Variants in PDLIM5 observed in about 807,000 individuals in gnomAD.
PDLIM5 encodes PDZ and LIM domain protein 5.
A neutral mutation model predicts 64.2 loss-of-function variants in PDLIM5; 34 were observed. That is an observed-to-expected ratio of 0.53 (90% CI 0.40 to 0.71). The LOEUF (loss-of-function observed/expected upper bound fraction) is 0.71. Among genes scored for constraint, PDLIM5 ranks in the 30% least tolerant of loss-of-function variants. The probability of loss-of-function intolerance (pLI) is 0.00; values close to 1 mark genes in which losing one functional copy is unlikely to be tolerated. For synonymous variants in PDLIM5, 253 were observed against 269.1 expected (o/e 0.94, Z 0.59); for missense variants, 683 against 733.6 (o/e 0.93, Z 0.80).
intron 9 of PDLIM5, among the ~76,000 whole-genome samples, chr4:94,650,109 G>T (rs1741725675): frequency 6.6e-6 from 1 of 152,198 alleles, no homozygotes; most frequent in Admixed American, 6.5e-5. Context: ...GACAAATACA[G>T]TGTTTCCAAA....
intron 3 of PDLIM5, among the ~76,000 whole-genome samples, chr4:94,551,845 C>T (rs750228149): frequency 1.4e-4 from 21 of 152,102 alleles, no homozygotes; most frequent in Middle Eastern, 6.8e-3. Flanking sequence ...TGTAGTTGAG[C>T]GTAAATTGTT....
chr4:94,584,380 T>A (rs1483269724), intron 5 of PDLIM5: 4 of 152,236 alleles, frequency 2.6e-5, no homozygotes, highest in South Asian at 4.1e-4. Context: ...ATTTATGCCC[T>A]TTTGAAATAA....
chr4:94,554,713 A>G (rs777658573), intron 3 of PDLIM5, among the ~76,000 whole-genome samples: 2 of 152,208 alleles, frequency 1.3e-5, no homozygotes, highest in Non-Finnish European at 2.9e-5. Flanking sequence ...AAGAGGTTTT[A>G]TCAATTGTTT....
intron 5 of PDLIM5, chr4:94,582,865 G>C: frequency 1.6e-6 from 1 of 639,580 alleles, no homozygotes; most frequent in Non-Finnish European, 2.8e-6. Flanking sequence ...AGGAGCATAA[G>C]AAGCATTTTT....
At chr4:94,662,717 T>C (rs868482569) in intron 12 of PDLIM5, among the ~76,000 whole-genome samples, 180 bp downstream of exon 12, 4 of 152,114 alleles carry the variant, frequency 2.6e-5, no homozygotes, top group Admixed American at 1.3e-4. Flanking sequence ...TTGAAATTAT[T>C]TGGCACACAG....
At chr4:94,568,158 C>T (rs1322195798) in intron 3 of PDLIM5, among the ~76,000 whole-genome samples, 1 of 152,184 alleles carries the variant, frequency 6.6e-6, no homozygotes, top group Non-Finnish European at 1.5e-5. Context: ...TTAACATGAT[C>T]TAAACTAGAG....
intron 2 of PDLIM5, chr4:94,456,679 G>A: frequency 1.7e-6 from 2 of 1,208,442 alleles, no homozygotes; most frequent in Non-Finnish European, 2.2e-6. Context: ...TACTGTTACA[G>A]TGGTACAGTG....
At chr4:94,544,191 CT>C (rs1372506143) in intron 3 of PDLIM5, among the ~76,000 whole-genome samples, 1 of 152,066 alleles carries the variant, frequency 6.6e-6, no homozygotes, top group Non-Finnish European at 1.5e-5. Flanking sequence ...TCTTTTGTTT[CT>C]TATAAGGACA....
At position 94,627,078 on chromosome 4, in the gene PDLIM5, A is replaced by G. The variant is rs1268837770; in HGVS notation, c.1108+8887A>G. 5.3e-5 allele frequency among the ~76,000 whole-genome samples: 8 copies of G among 152,294 alleles called. No homozygotes were observed. The East Asian group carries it at 5.8e-4, about 11-fold the overall frequency. ...TTTTTATATGAATAAGTAAACTGCT[A>G]CCAGTTGCGTATATTTCATCTCTTC... On this transcript the variant is annotated intron_variant, in intron 8 of 12. Transcript: ENST00000317968.
At position 94,640,375 on chromosome 4, in the gene PDLIM5, C is replaced by T. The variant is rs776387702; in HGVS notation, c.1208C>T (p.Thr403Ile). 3 of 1,613,316 alleles carry T rather than the reference C, an allele frequency of 1.9e-6. No individual in the cohort carries two copies. Among genetic ancestry groups the T allele is most frequent in the Non-Finnish European group, 2.5e-6 (3 of 1,179,390 alleles). The change falls in exon 9 of 13, where the codon ACT (threonine) becomes ATT (isoleucine). Residue 403 changes from threonine to isoleucine, a missense_variant. Coordinates refer to ENST00000317968, the MANE Select transcript of PDLIM5 (RefSeq NM_006457.5). The part of the protein sequence containing the change: ...LGQTQPSDQD[T>I]LVQRAEHIPA... ...CAAACCCAGCCAAGTGACCAGGACACTTTAGTGCAAAGAGCTGAGCACATT... is the reference window on the plus strand; with the variant it reads ...CAAACCCAGCCAAGTGACCAGGACATTTTAGTGCAAAGAGCTGAGCACATT...
chr4:94,585,790 G>A (rs992960174), intron 6 of PDLIM5, 53 bp downstream of exon 6: 34 of 1,430,802 alleles, frequency 2.4e-5, no homozygotes, highest in Admixed American at 1.2e-4. Context: ...GCCCCAGAGA[G>A]TGGCATTGAG....
intron 2 of PDLIM5, chr4:94,455,692 C>G: frequency 8.7e-7 from 1 of 1,142,954 alleles, no homozygotes; most frequent in South Asian, 1.4e-5. Context: ...AATCTTCGTT[C>G]TTTCATATAT....
At chr4:94,589,365 A>G (rs769422076) in intron 7 of PDLIM5, among the ~76,000 whole-genome samples, 6 of 152,248 alleles carry the variant, frequency 3.9e-5, no homozygotes, top group African/African-American at 7.2e-5. Flanking sequence ...TTGCTTAATT[A>G]AAAATGAAGT....
chr4:94,581,981 T>G (rs1316758548), intron 5 of PDLIM5, among the ~76,000 whole-genome samples: 1 of 152,132 alleles, frequency 6.6e-6, no homozygotes, highest in African/African-American at 2.4e-5. Flanking sequence ...ACTTCTGAAG[T>G]TACTGGAACT....
In PDLIM5 at chr4:94,586,318, A is replaced by G. The variant is rs967139791; in HGVS notation, c.884-90A>G. On this transcript the variant is annotated intron_variant, in intron 6 of 12. Coordinates refer to ENST00000317968, the MANE Select transcript of PDLIM5 (RefSeq NM_006457.5). ...TTTAGTGGCTCCATGGAAGTTGAAC[A>G]TTTGATATTGATTGGTGCAGGTAAT... 8.4e-6 allele frequency: 6 copies of G among 711,698 alleles called. No homozygotes were observed. The African/African-American group carries it at 8.9e-5, about 11-fold the overall frequency. 44.1% of individuals were successfully genotyped at this position (711,698 alleles called of 1,614,324 possible).
intron 7 of PDLIM5, among the ~76,000 whole-genome samples, chr4:94,596,905 T>A (rs115334466): frequency 2.0e-5 from 3 of 152,256 alleles, no homozygotes; most frequent in African/African-American, 7.2e-5. Flanking sequence ...TTCTCTTTTG[T>A]GTTTTTCTAT....
At chr4:94,574,510 A>AAC (rs1735082339) in intron 4 of PDLIM5, among the ~76,000 whole-genome samples, 1 of 151,896 alleles carries the variant, frequency 6.6e-6, no homozygotes, top group Non-Finnish European at 1.5e-5. Context: ...AAAAAAAAAA[A>AAC]AAAAACAAGA....
At chr4:94,452,433 G>A (rs1722941514) in intron 1 of PDLIM5, among the ~76,000 whole-genome samples, 1 of 152,222 alleles carries the variant, frequency 6.6e-6, no homozygotes, top group South Asian at 2.1e-4. Context: ...TTGGAGGGTA[G>A]GAAGCGGGAC....
intron 3 of PDLIM5, among the ~76,000 whole-genome samples, chr4:94,525,470 T>C (rs1049139394): frequency 2.7e-5 from 4 of 149,618 alleles, no homozygotes; most frequent in Non-Finnish European, 4.5e-5. Flanking sequence ...ACCTGGTACC[T>C]TCCCAACATA....
Sources: allele counts gnomAD v4.1 joint callset (sites outside exome capture counted in the v4.1 genomes callset), GRCh38; gene constraint gnomAD v4.1.1; transcripts MANE v1.5; gene names NCBI Gene and HGNC (gene_info 2026-07-23, HGNC 2026-07-21).